The following RBFOX1 variants were observed in gnomAD, a reference collection of about 807,000 sequenced individuals.
RBFOX1 encodes RNA binding fox-1 homolog 1.
In RBFOX1, 8 loss-of-function variants were observed where a neutral mutation model predicts 57.7. That is an observed-to-expected ratio of 0.14 (90% CI 0.08 to 0.25). The LOEUF (loss-of-function observed/expected upper bound fraction) is 0.25. Among genes scored for constraint, RBFOX1 ranks in the 10% least tolerant of loss-of-function variants. The pLI, the probability that RBFOX1 is intolerant of heterozygous loss-of-function variation, is 1.00. For synonymous variants in RBFOX1, 326 were observed against 222.4 expected (o/e 1.47, Z -4.15); for missense variants, 611 against 548.5 (o/e 1.11, Z -1.14).
intron 2 of RBFOX1, among the ~76,000 whole-genome samples, chr16:6,451,367 A>G (rs535756177): frequency 1.8e-4 from 27 of 152,160 alleles, no homozygotes; most frequent in Non-Finnish European, 2.4e-4. Context: ...ACTATGTTGC[A>G]TGCTTTAGAT....
rs1567662905 is a variant in RBFOX1, at chr16:6,554,759, GACACACACACAA to G, written c.-63-99842_-63-99831del. On this transcript the variant is annotated intron_variant, in intron 2 of 15. Coordinates refer to ENST00000550418, the MANE Select transcript of RBFOX1 (RefSeq NM_018723.4). ...ACACACACACACACACACACACACA[GACACACACACAA>G]AGGTACACAGACACACACACAGACA... Among the ~76,000 whole-genome samples the G allele has an allele frequency of 5.4e-3, 575 of 106,872 alleles. 8 individuals are homozygous for G. The highest frequency in any genetic ancestry group is 0.021 in the African/African-American group (539 of 25,706). The allele number at this position is 106,872 out of a possible 152,430, so 70.1% of individuals were successfully genotyped here. A position where few individuals can be genotyped will look rare whatever the true frequency, so the allele number is the denominator to read the frequency against.
Position 6,654,736 on chromosome 16 carries a change from C to T in RBFOX1, c.-16+86C>T, listed in dbSNP as rs1019428273. 42 of 1,004,490 alleles carry T rather than the reference C, an allele frequency of 4.2e-5. No individual in the cohort carries two copies. The African/African-American group carries it at 4.7e-4, about 11-fold the overall frequency. The allele number at this position is 1,004,490 out of a possible 1,614,324, so 62.2% of individuals were successfully genotyped here. A position where few individuals can be genotyped will look rare whatever the true frequency, so the allele number is the denominator to read the frequency against. On this transcript the variant is annotated intron_variant, in intron 3 of 15. Transcript: ENST00000550418. Reference sequence around the variant, plus strand: ...CCAGGTGTTTAAGGCATGCCCCTCTCGATGATGGTTTTTAGGTGATTCACG... The same window carrying T: ...CCAGGTGTTTAAGGCATGCCCCTCTTGATGATGGTTTTTAGGTGATTCACG...
intron 1 of RBFOX1, among the ~76,000 whole-genome samples, chr16:6,169,716 G>A (rs1471616775): frequency 1.3e-5 from 2 of 152,200 alleles, no homozygotes; most frequent in Non-Finnish European, 2.9e-5. Context: ...CAGCCACTAG[G>A]ATTGGCCAAG....
intron 3 of RBFOX1, among the ~76,000 whole-genome samples, chr16:7,042,220 C>T (rs1238204060): frequency 6.6e-6 from 1 of 152,220 alleles, no homozygotes; most frequent in Non-Finnish European, 1.5e-5. Flanking sequence ...GTGTAAACAG[C>T]ATCTTGTCAG....
chr16:5,842,428 G>A (rs1597457560), intron 3 of RBFOX1, among the ~76,000 whole-genome samples: 1 of 152,144 alleles, frequency 6.6e-6, no homozygotes, highest in Non-Finnish European at 1.5e-5. Flanking sequence ...TTGGTTATCT[G>A]CCTTAGTTCC....
At chr16:6,702,673 T>C (rs1224809973) in intron 3 of RBFOX1, among the ~76,000 whole-genome samples, 1 of 152,248 alleles carries the variant, frequency 6.6e-6, no homozygotes, top group Non-Finnish European at 1.5e-5. Context: ...GTGAGAATAA[T>C]TGCTCAATAA....
chr16:5,500,059 C>T (rs1030054790), intron 2 of RBFOX1, among the ~76,000 whole-genome samples: 1 of 152,070 alleles, frequency 6.6e-6, no homozygotes, highest in African/African-American at 2.4e-5. Context: ...GGTCTACTCT[C>T]TCCTAATCAT....
At chr16:6,116,417 T>C (rs1419482136) in intron 1 of RBFOX1, among the ~76,000 whole-genome samples, 3 of 152,178 alleles carry the variant, frequency 2.0e-5, no homozygotes, top group Non-Finnish European at 4.4e-5. Flanking sequence ...TAAAGTATAA[T>C]AATAATTTTT....
intron 14 of RBFOX1, among the ~76,000 whole-genome samples, chr16:7,696,916 T>A (rs902910275): frequency 5.3e-5 from 8 of 152,044 alleles, no homozygotes; most frequent in Admixed American, 3.9e-4. Context: ...ATACTTGAGG[T>A]GTCCAGGAGT....
chr16:5,636,575 C>G (rs965306420), intron 3 of RBFOX1, among the ~76,000 whole-genome samples: 2 of 152,028 alleles, frequency 1.3e-5, no homozygotes, highest in African/African-American at 4.8e-5. Flanking sequence ...ACTGGGATAT[C>G]AAGATTTTAT....
rs142047904 is a variant in RBFOX1, at chr16:7,590,372, GTGA to G, written c.468+3073_468+3075del. On this transcript the variant is annotated intron_variant, in intron 7 of 15. Coordinates refer to ENST00000550418, the MANE Select transcript of RBFOX1 (RefSeq NM_018723.4). ...TATAACTCAAGTATTTAATGTATGG[GTGA>G]ATAGCAAGAATGCAGAAAATCCACA... Among the ~76,000 whole-genome samples, 1,508 of 152,082 alleles carry G rather than the reference GTGA, an allele frequency of 9.9e-3. 26 individuals carry two copies. The highest frequency in any genetic ancestry group is 0.035 in the African/African-American group (1,439 of 41,472).
chr16:6,257,943 A>T (rs897765097), intron 1 of RBFOX1, among the ~76,000 whole-genome samples: 1 of 152,226 alleles, frequency 6.6e-6, no homozygotes, highest in Middle Eastern at 3.4e-3. Context: ...TATCCCCAGT[A>T]ATGGGATTGC....
At chr16:7,199,122 C>T (rs567560903) in intron 4 of RBFOX1, among the ~76,000 whole-genome samples, 1 of 152,276 alleles carries the variant, frequency 6.6e-6, no homozygotes, top group African/African-American at 2.4e-5. Context: ...GAGGTGACAG[C>T]TCACAATGTT....
At chr16:7,458,976 G>C (rs2059051555) in intron 4 of RBFOX1, among the ~76,000 whole-genome samples, 1 of 152,214 alleles carries the variant, frequency 6.6e-6, no homozygotes, top group South Asian at 2.1e-4. Flanking sequence ...CACAAAGTAG[G>C]TACTCATTGA....
At chr16:5,503,180 C>A (rs2043258446) in intron 2 of RBFOX1, among the ~76,000 whole-genome samples, 1 of 152,190 alleles carries the variant, frequency 6.6e-6, no homozygotes, top group African/African-American at 2.4e-5. Flanking sequence ...AGAGAATTAA[C>A]ATCTCTGTGC....
intron 3 of RBFOX1, among the ~76,000 whole-genome samples, chr16:7,012,201 G>T (rs906382238): frequency 6.6e-6 from 1 of 152,084 alleles, no homozygotes; most frequent in African/African-American, 2.4e-5. Context: ...GAGCTCTTGC[G>T]GGTGTTTTTG....
chr16:6,190,638 T>G (rs897956220), intron 1 of RBFOX1, among the ~76,000 whole-genome samples: 1 of 152,092 alleles, frequency 6.6e-6, no homozygotes, highest in Non-Finnish European at 1.5e-5. Context: ...TGCCTAACAT[T>G]TTGCTTTTGG....
intron 3 of RBFOX1, among the ~76,000 whole-genome samples, chr16:6,656,386 G>A (rs1322351937): frequency 1.3e-5 from 2 of 152,072 alleles, no homozygotes; most frequent in African/African-American, 2.4e-5. Flanking sequence ...GCTCCATCAC[G>A]CACAAGGTAA....
At chr16:5,874,121 A>G (rs533395173) in intron 4 of RBFOX1, among the ~76,000 whole-genome samples, 1 of 152,382 alleles carries the variant, frequency 6.6e-6, no homozygotes, top group Non-Finnish European at 1.5e-5. Flanking sequence ...GTCAGGACCC[A>G]TGGCACTGAG....
Sources: allele counts gnomAD v4.1 joint callset (sites outside exome capture counted in the v4.1 genomes callset), GRCh38; gene constraint gnomAD v4.1.1; transcripts MANE v1.5; gene names NCBI Gene and HGNC (gene_info 2026-07-23, HGNC 2026-07-21).